ADAP1: variants seen among roughly 807,000 people sequenced by gnomAD.
The protein encoded by ADAP1 is arf-GAP with dual PH domain-containing protein 1.
In ADAP1, 31 loss-of-function variants were observed where a neutral mutation model predicts 54.9. That is an observed-to-expected ratio of 0.56 (90% CI 0.42 to 0.76). The LOEUF (loss-of-function observed/expected upper bound fraction) is 0.76, where lower values mean the gene tolerates loss of function less well. Ranked by LOEUF, ADAP1 falls within the 30% of genes least tolerant of loss-of-function variation. The probability of loss-of-function intolerance (pLI) is 0.00; values close to 1 mark genes in which losing one functional copy is unlikely to be tolerated. For missense variants in ADAP1, 535 were observed against 512.4 expected (o/e 1.04, Z -0.42); for synonymous variants, 313 against 202.6 (o/e 1.55, Z -4.63).
chr7:906,681 G>GA (rs1562915120), intron 4 of ADAP1, among the ~76,000 whole-genome samples: 5 of 85,410 alleles, frequency 5.9e-5, no homozygotes, highest in Non-Finnish European at 1.1e-4. Flanking sequence ...ACATGGACAG[G>GA]GGACACGGGG....
chr7:905,248 CAG>C, intron 4 of ADAP1, 76 bp from the exon 5 acceptor site: 3 of 1,044,862 alleles, frequency 2.9e-6, no homozygotes, highest in East Asian at 2.9e-5. Context: ...ATGGACAGGA[CAG>C]AGGGGACATG....
At chr7:906,807 G>A (rs1037977442) in intron 4 of ADAP1, among the ~76,000 whole-genome samples, 2 of 90,766 alleles carry the variant, frequency 2.2e-5, no homozygotes, top group Non-Finnish European at 4.1e-5. Context: ...AGGGGACATG[G>A]GGGGACATGG....
chr7:914,679 C>A (rs528005458), intron 4 of ADAP1, among the ~76,000 whole-genome samples: 3 of 152,166 alleles, frequency 2.0e-5, no homozygotes, highest in Non-Finnish European at 4.4e-5. Context: ...TAGCAGCGGG[C>A]AGCTAGGTCT....
rs537136385 is a variant in ADAP1, at chr7:916,866, G to A, written c.388+3102C>T. Among the ~76,000 whole-genome samples the A allele has an allele frequency of 1.1e-4, 16 of 152,142 alleles. No individual in the cohort carries two copies. The South Asian group carries it at 1.5e-3, about 14-fold the overall frequency. ...CTCAGGCCTGGGGCAGCCTCCCACC[G>A]GTCACCCCTGCTCACCCCACGCCGC... is the stretch of plus-strand genomic sequence containing the variant. On this transcript the variant is annotated intron_variant, in intron 4 of 10. Transcript: ENST00000265846.
At chr7:934,671 G>T (rs888504142) in intron 2 of ADAP1, among the ~76,000 whole-genome samples, 5 of 152,174 alleles carry the variant, frequency 3.3e-5, no homozygotes, top group African/African-American at 9.7e-5. Context: ...ACCTCCCTCG[G>T]GGTCTCCCTA....
rs764472130 is a variant in ADAP1, at chr7:904,112, T to C, written c.648+14A>G. ...TCCTGTGCCACCCGGGCCCGAGTGC[T>C]CGCCAGCACCCACCTTCCCGTCCTC... On this transcript the variant is annotated intron_variant, in intron 6 of 10. Transcript: ENST00000265846. The C allele has an allele frequency of 6.2e-7, 1 of 1,611,250 alleles. No individual in the cohort carries two copies. The highest frequency in any genetic ancestry group is 1.1e-5 in the South Asian group (1 of 91,012).
chr7:953,945 C>T (rs950041084), intron 1 of ADAP1, among the ~76,000 whole-genome samples: 3 of 152,182 alleles, frequency 2.0e-5, no homozygotes, highest in African/African-American at 2.4e-5. Context: ...GCGGGAAGGG[C>T]GTGAGGCATG....
intron 1 of ADAP1, 31 bp downstream of exon 1, chr7:954,365 C>G: frequency 9.5e-7 from 1 of 1,053,070 alleles, no homozygotes; most frequent in Non-Finnish European, 1.1e-6. Context: ...CCGGACCCAC[C>G]CGGCCCCGCG....
chr7:901,010 T>G (rs1436314002), intron 6 of ADAP1: 1 of 481,996 alleles, frequency 2.1e-6, no homozygotes, highest in South Asian at 1.5e-5. Context: ...ATGAAGATCC[T>G]TATTTTGTAG....
chr7:907,438 C>G (rs1458661793), intron 4 of ADAP1, among the ~76,000 whole-genome samples: 2 of 152,134 alleles, frequency 1.3e-5, no homozygotes, highest in African/African-American at 4.8e-5. Context: ...CAGCTCTGCC[C>G]ACTCCGAGTC....
chr7:904,818 T>A (rs117084377), intron 5 of ADAP1, among the ~76,000 whole-genome samples: 2 of 152,146 alleles, frequency 1.3e-5, no homozygotes, highest in Non-Finnish European at 1.5e-5. Context: ...TGGGCCTGAG[T>A]TCAGGGGGCC....
intron 4 of ADAP1, among the ~76,000 whole-genome samples, chr7:906,231 AG>A (rs373118452): frequency 0.29 from 225 of 776 alleles, 54 homozygotes; most frequent in African/African-American, 0.66. Flanking sequence ...GAAAGGAGAA[AG>A]GGAGAAAGGA....
rs1846403255 is a variant in ADAP1 at position 926,731 on chromosome 7, G to A, written c.214-87C>T. ...AGCTGCCCTTGGGGCCGTCACCACA[G>A]TGACCCGCAGACCCAAGGCTCTGAG... On this transcript the variant is annotated intron_variant, in intron 2 of 10. Coordinates refer to ENST00000265846, the MANE Select transcript of ADAP1 (RefSeq NM_006869.4). This position sits in a 1 kb window ranked among gnomAD's most constrained non-coding sequence, Gnocchi z 4.6. 1.8e-6 allele frequency: 2 copies of A among 1,104,198 alleles called. No homozygotes were observed. The highest frequency in any genetic ancestry group is 3.3e-5 in the South Asian group (2 of 61,496). 68.4% of individuals were successfully genotyped at this position (1,104,198 alleles called of 1,614,324 possible).
At chr7:921,605 C>A (rs1427078376) in intron 3 of ADAP1, among the ~76,000 whole-genome samples, 1 of 152,232 alleles carries the variant, frequency 6.6e-6, no homozygotes, top group Non-Finnish European at 1.5e-5. Flanking sequence ...GTGAGCCTCG[C>A]GTCCGGCCCC....
In ADAP1 at chr7:905,197, C is replaced by T. The variant is rs202083247; in HGVS notation, c.389-25G>A. 2.5e-4 allele frequency: 400 copies of T among 1,581,320 alleles called. 2 individuals are homozygous for T. The East Asian group carries it at 2.6e-3, about 10-fold the overall frequency. On this transcript the variant is annotated intron_variant, in intron 4 of 10. Transcript: ENST00000265846. ...CCTGTGGGGGAAAGGGGACACGAGT[C>T]GGTGACAGTGGATGGGGGGGAGGAA...
Position 910,753 on chromosome 7 carries a change from G to A in ADAP1, c.389-5581C>T, listed in dbSNP as rs371455018. Among the ~76,000 whole-genome samples the A allele has an allele frequency of 3.0e-3, 457 of 152,320 alleles. 3 individuals are homozygous for A. The highest frequency in any genetic ancestry group is 0.01 in the African/African-American group (431 of 41,570). ...TGGGAACTGCATCCCCATATCTCAT[G>A]GGGCCTCTGGCCTTCCACAGGGAGG... On this transcript the variant is annotated intron_variant, in intron 4 of 10. Transcript: ENST00000265846.
chr7:947,507 T>A (rs1347766411), intron 1 of ADAP1, among the ~76,000 whole-genome samples: 1 of 151,994 alleles, frequency 6.6e-6, no homozygotes, highest in Non-Finnish European at 1.5e-5. Context: ...CGCAGGTCCC[T>A]CCCGTCTCCC....
chr7:899,358 G>T, intron 9 of ADAP1, 61 bp downstream of exon 9: 1 of 1,606,572 alleles, frequency 6.2e-7, no homozygotes, highest in Non-Finnish European at 8.5e-7. Flanking sequence ...TCCTGGTCAC[G>T]CATCTGGCAA....
At chr7:922,169 CGAG>C (rs1170116320) in intron 3 of ADAP1, among the ~76,000 whole-genome samples, 1 of 152,176 alleles carries the variant, frequency 6.6e-6, no homozygotes, top group Non-Finnish European at 1.5e-5. Context: ...CACGTGGTCA[CGAG>C]GAGGTGGGCT....
Sources: gnomAD v4.1 joint callset for allele counts (sites outside exome capture counted in the v4.1 genomes callset) on GRCh38, gnomAD v4.1.1 for gene constraint, Gnocchi (gnomAD v3.1) non-coding constraint, MANE v1.5 for transcripts, NCBI Gene and HGNC (gene_info 2026-07-23, HGNC 2026-07-21) for gene names.